The following APC2 variants were observed in gnomAD, a reference collection of about 807,000 sequenced individuals.
APC2 encodes adenomatous polyposis coli protein 2.
In APC2, 41 loss-of-function variants were observed where a neutral mutation model predicts 72.5. That is an observed-to-expected ratio of 0.57 (90% CI 0.44 to 0.73). APC2 has a LOEUF of 0.73. APC2 is among the 30% of genes least tolerant of loss of function. The pLI, the probability that APC2 is intolerant of heterozygous loss-of-function variation, is 0.00. For synonymous variants in APC2, 1,898 were observed against 1,612.0 expected (o/e 1.18, Z -4.25); for missense variants, 3,729 against 3,403.4 (o/e 1.10, Z -2.38).
Position 1,450,255 on chromosome 19 carries a change from G to A in APC2, c.-102G>A. On this transcript the variant is annotated 5_prime_UTR_variant, in exon 1 of 15. Transcript: ENST00000590469. ...GCGCTCCGAGGCCACCCCGGGCCGG[G>A]ATTTCCGGTGGGGCCCGCGGAGCCG... 1.0e-6 allele frequency: 1 copy of A among 985,420 alleles called. No homozygotes were observed. Among genetic ancestry groups the A allele is most frequent in the South Asian group, 4.7e-5 (1 of 21,290 alleles). 61.0% of individuals were successfully genotyped at this position (985,420 alleles called of 1,614,324 possible). A position where few individuals can be genotyped will look rare whatever the true frequency, so the allele number is the denominator to read the frequency against.
chr19:1,466,682 G>C lies in APC2; in HGVS notation c.3381G>C (p.Pro1127=). The C allele has an allele frequency of 6.6e-7, 1 of 1,509,878 alleles. No homozygotes were observed. Among genetic ancestry groups the C allele is most frequent in the Non-Finnish European group, 8.9e-7 (1 of 1,128,788 alleles). The allele number at this position is 1,509,878 out of a possible 1,614,324, so 93.5% of individuals were successfully genotyped here. The stretch of plus-strand genomic sequence containing the variant: ...CCACCTCGCTGCCCGTAGCCATTCC[G>C]GCTCCCCGGCGTAACCGAGGCCGGG... ...PGATSLPVAI[P]APRRNRGRGL... is the part of the protein sequence containing the mutation. The change falls in exon 15 of 15, where the codon CCG becomes CCC. Residue 1127 remains proline, a synonymous_variant. Transcript: ENST00000590469.
At chr19:1,454,142 C>G (rs984819690) in intron 4 of APC2, among the ~76,000 whole-genome samples, 16 of 152,142 alleles carry the variant, frequency 1.1e-4, no homozygotes. Flanking sequence ...CCTCACTCAG[C>G]TCCCCTAAAC....
intron 10 of APC2, 78 bp from the exon 11 acceptor site, chr19:1,460,103 G>A: frequency 1.9e-6 from 3 of 1,591,796 alleles, no homozygotes; most frequent in Non-Finnish European, 2.6e-6. Context: ...AGGGCCTCTG[G>A]GCAAGGGAGT....
In APC2 at chr19:1,465,430, C is replaced by T; in HGVS notation, c.2129C>T (p.Ser710Phe). The T allele has an allele frequency of 6.5e-7, 1 of 1,543,468 alleles. No homozygotes were observed. The highest frequency in any genetic ancestry group is 8.7e-7 in the Non-Finnish European group (1 of 1,151,392). ...CACCAGGCGGCCGCCACCGCCGTGT[C>T]CCCAGGCAGCTGCGTGCCCAGCCTG... ...AKHQAAATAV[S>F]PGSCVPSLYV... is the part of the protein sequence containing the mutation. The change falls in exon 15 of 15, where the codon TCC becomes TTC. Residue 710 changes from serine (S) to phenylalanine (F), a missense_variant. Physicochemically the swap from Ser to Phe is radical, Grantham distance 155. Transcript: ENST00000590469.
chr19:1,472,958 G>C lies in APC2; in HGVS notation c.*2745G>C, dbSNP rs935115078. On this transcript the variant is annotated 3_prime_UTR_variant, in exon 15 of 15. Coordinates refer to ENST00000590469, the MANE Select transcript of APC2 (RefSeq NM_005883.3). The stretch of plus-strand genomic sequence containing the variant: ...CACACGTGGGTGCTGAACTCGGGGC[G>C]CCGTGCCCACCGGCATGGTCCTCCC... 1.3e-5 allele frequency: 2 copies of C among 151,726 alleles called. No homozygotes were observed. Among genetic ancestry groups the C allele is most frequent in the African/African-American group, 2.4e-5 (1 of 41,252 alleles). 9.4% of individuals were successfully genotyped at this position (151,726 alleles called of 1,614,324 possible).
chr19:1,470,073 G>T lies in APC2; in HGVS notation c.6772G>T (p.Ala2258Ser). 1 of 1,596,940 alleles carries T rather than the reference G, an allele frequency of 6.3e-7. No homozygotes were observed. The change falls in exon 15 of 15, where the codon GCC becomes TCC. Residue 2258 changes from alanine to serine, a missense_variant. Transcript: ENST00000590469. ...GLGVAVGGFP[A>S]SRHGSPSRSA... is the part of the protein sequence containing the mutation. ...GGGGGTCGCCGTGGGGGGCTTCCCC[G>T]CCAGCCGGCACGGCTCCCCCAGCCG...
rs1365662897 is a variant in APC2, at chr19:1,457,261, T to G, written c.1207+18T>G. On this transcript the variant is annotated intron_variant, in intron 9 of 14. Transcript: ENST00000590469. ...CGGCAGCGGTGAGTGCCTGGCCTGG[T>G]GGGCCCCCTCCGCGCAATTAACGTG... 13 of 1,501,606 alleles carry G rather than the reference T, an allele frequency of 8.7e-6. No homozygotes were observed. The Admixed American group carries it at 1.4e-4, about 16-fold the overall frequency. 93.0% of individuals were successfully genotyped at this position (1,501,606 alleles called of 1,614,324 possible). A position where few individuals can be genotyped will look rare whatever the true frequency, so the allele number is the denominator to read the frequency against.
In APC2 at chr19:1,473,234, C is replaced by T. The variant is rs1353024019; in HGVS notation, c.*3021C>T. ...TCGCACACATTTAATAAACTGAGCT[C>T]TTGCATTGCCTGCCGCCATCACCTC... On this transcript the variant is annotated 3_prime_UTR_variant, in exon 15 of 15. Transcript: ENST00000590469. The T allele has an allele frequency of 6.6e-6, 1 of 152,290 alleles. No homozygotes were observed. Among genetic ancestry groups the T allele is most frequent in the Non-Finnish European group, 1.5e-5 (1 of 68,066 alleles). The allele number at this position is 152,290 out of a possible 1,614,324, so 9.4% of individuals were successfully genotyped here.
intron 6 of APC2, among the ~76,000 whole-genome samples, chr19:1,455,741 G>A (rs2145191505): frequency 6.6e-6 from 1 of 152,262 alleles, no homozygotes; most frequent in Admixed American, 6.5e-5. Context: ...AGGTGGCATG[G>A]CCTGTGGGCA....
chr19:1,449,215 G>T (rs1257197087), upstream of APC2, among the ~76,000 whole-genome samples: 1 of 150,382 alleles, frequency 6.6e-6, no homozygotes, highest in Non-Finnish European at 1.5e-5. Flanking sequence ...TGCCCTGCCT[G>T]CCCAGCACGG....
At chr19:1,459,351 G>A (rs2083888754) in intron 10 of APC2, among the ~76,000 whole-genome samples, 1 of 152,244 alleles carries the variant, frequency 6.6e-6, no homozygotes, top group Admixed American at 6.5e-5. Context: ...GTTGCAGGCA[G>A]AAGGAGCCAC....
upstream of APC2, among the ~76,000 whole-genome samples, chr19:1,448,119 C>A (rs2083702840): frequency 6.6e-6 from 1 of 152,120 alleles, no homozygotes; most frequent in East Asian, 1.9e-4. Context: ...ATCCCCAACC[C>A]CATTTCAGCC....
chr19:1,456,033 G>T, intron 6 of APC2, 43 bp from the exon 7 acceptor site: 1 of 1,492,948 alleles, frequency 6.7e-7, no homozygotes, highest in East Asian at 2.5e-5. Context: ...AGAGCCGGGG[G>T]CGGGGTCAGC....
Position 1,465,859 on chromosome 19 carries a change from G to A in APC2, c.2558G>A (p.Arg853His), listed in dbSNP as rs762097433. The change falls in exon 15 of 15, where the codon CGC becomes CAC. Residue 853 changes from arginine (R) to histidine (H), a missense_variant. Physicochemically the swap from Arg to His is conservative, Grantham distance 29. Coordinates refer to ENST00000590469, the MANE Select transcript of APC2 (RefSeq NM_005883.3). ...GCCAAGCTGGCGCTTGCAGTGGCGC[G>A]CATCGACCAGCTGGTGGAGGACATC... Reference protein sequence around the residue: ...AKAKLALAVARIDQLVEDISA... With the variant: ...AKAKLALAVAHIDQLVEDISA... 3.8e-6 allele frequency: 6 copies of A among 1,567,142 alleles called. No individual in the cohort carries two copies. The highest frequency in any genetic ancestry group is 3.5e-5 in the South Asian group (3 of 86,256).
intron 4 of APC2, among the ~76,000 whole-genome samples, chr19:1,454,249 T>C (rs1599133229): frequency 6.6e-6 from 1 of 152,174 alleles, no homozygotes; most frequent in African/African-American, 2.4e-5. Flanking sequence ...ACTTTGAGCC[T>C]GAAGCTACCT....
chr19:1,456,670 C>T (rs930150144), intron 8 of APC2, among the ~76,000 whole-genome samples, 183 bp from the exon 9 acceptor site: 1 of 152,086 alleles, frequency 6.6e-6, no homozygotes, highest in Non-Finnish European at 1.5e-5. Context: ...CCTAGGAATG[C>T]CAGGTGAGGG....
Position 1,460,821 on chromosome 19 carries a change from G to A in APC2, c.1485G>A (p.Val495=), listed in dbSNP as rs1212796821. The change falls in exon 12 of 15, where the codon GTG becomes GTA. Residue 495 remains valine (V), a synonymous_variant. Transcript: ENST00000590469. Reference sequence around the variant, plus strand: ...GCCGCGGCTGCATGGAGGCCATCGTGGCCCAGCTGGCCTCCGACAGTGAGG... The same window carrying A: ...GCCGCGGCTGCATGGAGGCCATCGTAGCCCAGCTGGCCTCCGACAGTGAGG... ...CARRGCMEAI[V]AQLASDSEEL... 4.3e-6 allele frequency: 7 copies of A among 1,613,098 alleles called. No homozygotes were observed. The highest frequency in any genetic ancestry group is 5.9e-6 in the Non-Finnish European group (7 of 1,179,980).
rs1431650548 is a variant in APC2, at chr19:1,450,300, A to G, written c.-57A>G. 2.0e-6 allele frequency: 2 copies of G among 985,306 alleles called. No homozygotes were observed. The highest frequency in any genetic ancestry group is 4.7e-5 in the South Asian group (1 of 21,294). The allele number at this position is 985,306 out of a possible 1,614,324, so 61.0% of individuals were successfully genotyped here. A position where few individuals can be genotyped will look rare whatever the true frequency, so the allele number is the denominator to read the frequency against. ...GAGCCGCGCAGAGGGAGGAGGCCCC[A>G]GACCCAGGCGCCCCGCCAGCCCAGC... On this transcript the variant is annotated 5_prime_UTR_variant, in exon 1 of 15. Transcript: ENST00000590469.
chr19:1,466,729 C>T lies in APC2; in HGVS notation c.3428C>T (p.Thr1143Met). 1.9e-6 allele frequency: 3 copies of T among 1,539,456 alleles called. No homozygotes were observed. The highest frequency in any genetic ancestry group is 2.6e-6 in the Non-Finnish European group (3 of 1,141,092). Residue 1143 changes from threonine (T) to methionine (M), a missense_variant, in exon 15 of 15, where the codon ACG becomes ATG. By Grantham distance (81) the Thr-to-Met change is moderately conservative (BLOSUM62 -1). Coordinates refer to ENST00000590469, the MANE Select transcript of APC2 (RefSeq NM_005883.3). Reference sequence around the variant, plus strand: ...CGGGGCCTGGGGGTGGAAGACGCCACGCCGTCCAGCTCGTCGGAGAACTAC... The same window carrying T: ...CGGGGCCTGGGGGTGGAAGACGCCATGCCGTCCAGCTCGTCGGAGAACTAC... ...RGRGLGVEDA[T>M]PSSSSENYVQ...
Sources: gnomAD v4.1 joint callset for allele counts (sites outside exome capture counted in the v4.1 genomes callset) on GRCh38, gnomAD v4.1.1 for gene constraint, MANE v1.5 for transcripts, NCBI Gene and HGNC (gene_info 2026-07-23, HGNC 2026-07-21) for gene names.